EYA2: variants seen among roughly 807,000 people sequenced by gnomAD.
EYA2 encodes the protein EYA transcriptional coactivator and phosphatase 2, also known as protein phosphatase EYA2.
EYA2 carries 31 observed loss-of-function variants against 69.2 expected under a neutral mutation model. That is an observed-to-expected ratio of 0.45 (90% CI 0.34 to 0.60). The LOEUF is 0.60. Ranked by LOEUF, EYA2 falls within the 20% of genes least tolerant of loss-of-function variation. The pLI is 0.02. For synonymous variants in EYA2, 257 were observed against 279.4 expected, an observed-to-expected ratio of 0.92 and a Z score of 0.80; for missense variants, 622 against 701.2, an observed-to-expected ratio of 0.89 and a Z score of 1.28.
At chr20:47,034,420 CTG>C (rs1222833582) in intron 5 of EYA2, among the ~76,000 whole-genome samples, 1 of 152,112 alleles carries the variant, frequency 6.6e-6, no homozygotes, top group Non-Finnish European at 1.5e-5. Flanking sequence ...TATTTAAAAA[CTG>C]TGTGGGGGCA....
intron 1 of EYA2, among the ~76,000 whole-genome samples, chr20:46,971,080 T>TACACAC (rs148380754): frequency 0.017 from 2,474 of 147,250 alleles, 53 homozygotes; most frequent in Admixed American, 0.066. Context: ...ATAAAGTTGC[T>TACACAC]ACACACACAC....
chr20:47,004,890 G>C, intron 3 of EYA2, 52 bp from the exon 4 acceptor site: 1 of 1,613,784 alleles, frequency 6.2e-7, no homozygotes. Flanking sequence ...AGATAAGGAA[G>C]AAGGGGTGCC....
intron 12 of EYA2, among the ~76,000 whole-genome samples, chr20:47,175,106 G>A (rs1459759571): frequency 1.3e-5 from 2 of 152,222 alleles, no homozygotes; most frequent in Admixed American, 6.5e-5. Flanking sequence ...ATAGCTGAGG[G>A]GAGAGCACCC....
chr20:47,045,100 G>A (rs2029964583), intron 5 of EYA2, among the ~76,000 whole-genome samples: 1 of 152,196 alleles, frequency 6.6e-6, no homozygotes, highest in South Asian at 2.1e-4. Flanking sequence ...CAGCAATAAT[G>A]GATCATTTCT....
chr20:47,134,333 TTAG>T (rs2033410034), intron 9 of EYA2, among the ~76,000 whole-genome samples: 1 of 152,134 alleles, frequency 6.6e-6, no homozygotes, highest in African/African-American at 2.4e-5. Flanking sequence ...TGGAGTCAGA[TTAG>T]ACCTGAGTTC....
intron 7 of EYA2, among the ~76,000 whole-genome samples, chr20:47,081,801 GAAA>G (rs1177430692): frequency 6.8e-6 from 1 of 147,988 alleles, no homozygotes; most frequent in Non-Finnish European, 1.5e-5. Flanking sequence ...AAAGAAGAAA[GAAA>G]AAAAGAGAGA....
chr20:47,023,464 A>G (rs1396024662), intron 5 of EYA2, among the ~76,000 whole-genome samples: 1 of 151,860 alleles, frequency 6.6e-6, no homozygotes, highest in African/African-American at 2.4e-5. Flanking sequence ...AAATTTGGAA[A>G]TTTTTCAGCC....
chr20:46,942,913 G>A (rs554127671), intron 1 of EYA2, among the ~76,000 whole-genome samples: 63 of 152,272 alleles, frequency 4.1e-4, no homozygotes, highest in African/African-American at 1.4e-3. Context: ...TTACAGACAC[G>A]TGCTACCACG....
chr20:46,946,326 A>G (rs1206437691), intron 1 of EYA2, among the ~76,000 whole-genome samples: 4 of 152,192 alleles, frequency 2.6e-5, no homozygotes, highest in Non-Finnish European at 5.9e-5. Context: ...TTATTTTAAC[A>G]TTTATGGAGC....
intron 9 of EYA2, among the ~76,000 whole-genome samples, chr20:47,105,160 A>C (rs1262873751): frequency 6.6e-6 from 1 of 152,214 alleles, no homozygotes; most frequent in Non-Finnish European, 1.5e-5. Context: ...AGTTTCAAAA[A>C]TGGAAAGTAG....
intron 1 of EYA2, 122 bp downstream of exon 1, chr20:46,895,109 G>T (rs1983732146): frequency 6.6e-6 from 1 of 152,276 alleles, no homozygotes; most frequent in African/African-American, 2.4e-5. Flanking sequence ...CGGGGCCTCC[G>T]CAGCTGTCGG....
At chr20:47,135,327 ATGAGAAAC>A (rs2033437154) in intron 9 of EYA2, among the ~76,000 whole-genome samples, 1 of 152,096 alleles carries the variant, frequency 6.6e-6, no homozygotes, top group Non-Finnish European at 1.5e-5. Context: ...CATTTTACAG[ATGAGAAAC>A]TGAGACACAC....
chr20:47,171,473 T>C (rs2034321535), intron 11 of EYA2, among the ~76,000 whole-genome samples: 1 of 152,228 alleles, frequency 6.6e-6, no homozygotes, highest in Non-Finnish European at 1.5e-5. Context: ...TGCCATGTTC[T>C]ATTCTAAATG....
intron 12 of EYA2, among the ~76,000 whole-genome samples, chr20:47,177,723 G>A (rs1232622269): frequency 6.6e-6 from 1 of 152,212 alleles, no homozygotes; most frequent in Non-Finnish European, 1.5e-5. Flanking sequence ...AGCACAGGCA[G>A]CATTTTGTCC....
At chr20:47,034,829 A>G (rs562897183) in intron 5 of EYA2, among the ~76,000 whole-genome samples, 26 of 152,156 alleles carry the variant, frequency 1.7e-4, no homozygotes, top group Non-Finnish European at 2.6e-4. Context: ...AGACTGTCCC[A>G]TGCCTCTCTC....
chr20:47,024,130 C>G (rs139582679), intron 5 of EYA2, among the ~76,000 whole-genome samples: 34 of 152,306 alleles, frequency 2.2e-4, no homozygotes, highest in African/African-American at 7.9e-4. Flanking sequence ...TCCCTGCATG[C>G]CTGATAAGTT....
chr20:46,952,935 CATGAAA>C (rs1277779985), intron 1 of EYA2, among the ~76,000 whole-genome samples: 1 of 152,208 alleles, frequency 6.6e-6, no homozygotes, highest in Non-Finnish European at 1.5e-5. Context: ...CATCTAAACA[CATGAAA>C]AATGAGACTT....
intron 1 of EYA2, among the ~76,000 whole-genome samples, chr20:46,958,472 A>G (rs1485945513): frequency 6.6e-6 from 1 of 152,126 alleles, no homozygotes; most frequent in African/African-American, 2.4e-5. Flanking sequence ...TGAACATGTT[A>G]TATAGTTTTT....
chr20:46,923,499 A>C (rs561900142), intron 1 of EYA2, among the ~76,000 whole-genome samples: 1 of 152,234 alleles, frequency 6.6e-6, no homozygotes, highest in Admixed American at 6.5e-5. Flanking sequence ...TGAATTGACA[A>C]ATTGTACTGT....
Sources: allele counts gnomAD v4.1 joint callset (sites outside exome capture counted in the v4.1 genomes callset), GRCh38; gene constraint gnomAD v4.1.1; transcripts MANE v1.5; gene names NCBI Gene and HGNC (gene_info 2026-07-23, HGNC 2026-07-21).